The following APTX variants were observed in gnomAD, a reference collection of about 807,000 sequenced individuals.
The protein encoded by APTX is forkhead-associated domain histidine triad-like protein.
A neutral mutation model predicts 42.3 loss-of-function variants in APTX; 33 were observed. That is an observed-to-expected ratio of 0.78 (90% CI 0.59 to 1.04). The LOEUF (loss-of-function observed/expected upper bound fraction) is 1.04, where lower values mean the gene tolerates loss of function less well. Ranked by LOEUF, APTX falls within the 50% of genes least tolerant of loss-of-function variation. APTX has a pLI of 0.00. For missense variants in APTX, 421 were observed against 415.1 expected (o/e 1.01, Z -0.12); for synonymous variants, 130 against 146.7 (o/e 0.89, Z 0.82).
At chr9:32,988,052 G>A in intron 3 of APTX, 31 bp downstream of exon 3, 1 of 1,606,996 alleles carries the variant, frequency 6.2e-7, no homozygotes, top group Non-Finnish European at 8.5e-7. Flanking sequence ...AAATCATCGA[G>A]TATAAAATTC....
intron 1 of APTX, among the ~76,000 whole-genome samples, chr9:33,007,532 A>T (rs981654634): frequency 6.6e-6 from 1 of 152,232 alleles, no homozygotes; most frequent in African/African-American, 2.4e-5. Context: ...ATTTGGGGGC[A>T]GCATCAACTG....
At chr9:33,004,630 CTTTTTTTTTT>C (rs3065216), upstream of APTX, among the ~76,000 whole-genome samples, 6 of 125,690 alleles carry the variant, frequency 4.8e-5, no homozygotes, top group African/African-American at 1.5e-4. Flanking sequence ...CTTGCCAACC[CTTTTTTTTTT>C]TTTTTTTTTT....
chr9:32,985,508 G>C (rs1456428839), intron 5 of APTX, among the ~76,000 whole-genome samples: 2 of 151,826 alleles, frequency 1.3e-5, no homozygotes, highest in African/African-American at 4.8e-5. Flanking sequence ...CTAATTTTTT[G>C]TATTTTTAGT....
chr9:32,978,636 G>C (rs750640611), intron 6 of APTX, among the ~76,000 whole-genome samples: 10 of 152,180 alleles, frequency 6.6e-5, no homozygotes, highest in Non-Finnish European at 1.3e-4. Flanking sequence ...ATGATGAAAT[G>C]AAAGAAATAA....
intron 1 of APTX, among the ~76,000 whole-genome samples, chr9:33,007,087 A>G (rs967271093): frequency 6.6e-6 from 1 of 151,984 alleles, no homozygotes; most frequent in Admixed American, 6.5e-5. Context: ...CCAGAAAGAC[A>G]GAAAGGAAAC....
At chr9:33,017,338 A>G (rs1468132070) in intron 1 of APTX, among the ~76,000 whole-genome samples, 1 of 152,178 alleles carries the variant, frequency 6.6e-6, no homozygotes, top group African/African-American at 2.4e-5. Flanking sequence ...CAAACACCAG[A>G]AACTTATTTC....
chr9:32,978,152 G>C lies in APTX; in HGVS notation c.771-3591C>G, dbSNP rs112890760. Among the ~76,000 whole-genome samples the C allele has an allele frequency of 5.5e-3, 836 of 152,302 alleles. 9 individuals are homozygous for C. Among genetic ancestry groups the C allele is most frequent in the African/African-American group, 0.019 (804 of 41,568 alleles). On this transcript the variant is annotated intron_variant, in intron 6 of 7. Transcript: ENST00000379817. ...TTTACACTTGGGTTTGTTGAAGAAT[G>C]GAAAGCCATGTAGAACCACTACTGC... is the stretch of plus-strand genomic sequence containing the variant.
At chr9:32,981,856 A>G (rs193269617) in intron 6 of APTX, among the ~76,000 whole-genome samples, 82 of 152,328 alleles carry the variant, frequency 5.4e-4, no homozygotes, top group African/African-American at 1.5e-3. Context: ...AAGGAAGTAT[A>G]AAGTCACCAT....
chr9:33,010,896 C>T (rs540351901), intron 1 of APTX, among the ~76,000 whole-genome samples: 4 of 152,074 alleles, frequency 2.6e-5, no homozygotes, highest in East Asian at 3.9e-4. Context: ...AATCCCAACA[C>T]GTTGGGAGGC....
chr9:32,989,799 TG>T lies in APTX; in HGVS notation c.92del (p.Pro31GlnfsTer17). The T allele has an allele frequency of 6.2e-7, 1 of 1,614,270 alleles. No individual in the cohort carries two copies. Among genetic ancestry groups the T allele is most frequent in the East Asian group, 2.2e-5 (1 of 44,890 alleles). On this transcript the variant is annotated frameshift_variant, in exon 2 of 8. Transcript: ENST00000379817. LOFTEE classifies it high-confidence loss of function. ...ATTTCTTATCAGTGATCTTGGTCTC[TG>T]GGCCACGCCCAATCACAACTGCTTC... ...HLEAVVIGRG[P>X]ETKITDKKCS... is the part of the protein sequence containing the mutation.
At chr9:33,004,888 C>G (rs550872876), upstream of APTX, among the ~76,000 whole-genome samples, 36 of 152,086 alleles carry the variant, frequency 2.4e-4, no homozygotes, top group African/African-American at 8.2e-4. Flanking sequence ...GATCCACCCA[C>G]CTCGGCCTCC....
chr9:33,002,098 AC>A (rs1836666930), upstream of APTX, among the ~76,000 whole-genome samples: 4 of 152,304 alleles, frequency 2.6e-5, no homozygotes, highest in South Asian at 8.3e-4. Flanking sequence ...AGTGCTGTGT[AC>A]ACTAAATGAA....
At position 33,014,469 on chromosome 9, in the gene APTX, G is replaced by A. The variant is rs545114744; in HGVS notation, c.-5+10554C>T. Among the ~76,000 whole-genome samples, 179 of 143,810 alleles carry A rather than the reference G, an allele frequency of 1.2e-3. 2 individuals are homozygous for A. Among genetic ancestry groups the A allele is most frequent in the African/African-American group, 4.2e-3 (170 of 40,786 alleles). 94.3% of individuals were successfully genotyped at this position (143,810 alleles called of 152,430 possible). ...TGTACCACTTAACAGCTTAACAAAAGGATGCATAGCTGGGGAGCAGCAGGA... is the reference window on the plus strand; with the variant it reads ...TGTACCACTTAACAGCTTAACAAAAAGATGCATAGCTGGGGAGCAGCAGGA... On this transcript the variant is annotated intron_variant, in intron 1 of 6. Transcript: ENST00000436040.
chr9:33,014,456 C>T (rs1343902959), intron 1 of APTX, among the ~76,000 whole-genome samples: 1 of 152,148 alleles, frequency 6.6e-6, no homozygotes, highest in Non-Finnish European at 1.5e-5. Context: ...TACCACTTAA[C>T]AGCTTAACAA....
chr9:32,996,276 C>CT (rs761753095), intron 1 of APTX, among the ~76,000 whole-genome samples: 804 of 32,136 alleles, frequency 0.025, 1 homozygote, highest in Non-Finnish European at 0.052. Flanking sequence ...AAATAAATCG[C>CT]TCTTTTTTTT....
At chr9:32,998,931 A>C (rs1360564926) in intron 1 of APTX, among the ~76,000 whole-genome samples, 1 of 152,244 alleles carries the variant, frequency 6.6e-6, no homozygotes, top group African/African-American at 2.4e-5. Context: ...TTATATGCCA[A>C]AGTCACAAAC....
intron 6 of APTX, among the ~76,000 whole-genome samples, chr9:32,982,321 A>G (rs1297958816): frequency 6.6e-6 from 1 of 152,244 alleles, no homozygotes; most frequent in East Asian, 1.9e-4. Flanking sequence ...GAGAGAACAA[A>G]TAAATGAAAT....
At chr9:33,007,332 TGAAGAGTTAGTTAG>T (rs1837232177) in intron 1 of APTX, among the ~76,000 whole-genome samples, 1 of 152,206 alleles carries the variant, frequency 6.6e-6, no homozygotes, top group African/African-American at 2.4e-5. Flanking sequence ...GAAAAACCCC[TGAAGAGTTAGTTAG>T]GAAGTGACAT....
At chr9:33,001,634 ATGACGTCAGAGGCCGGCTG>A, upstream of APTX, 1 of 1,613,368 alleles carries the variant, frequency 6.2e-7, no homozygotes. Context: ...GCGCTGCGGG[ATGACGTCAGAGGCCGGCTG>A]TATCGCGACC....
Sources: allele counts gnomAD v4.1 joint callset (sites outside exome capture counted in the v4.1 genomes callset), GRCh38; gene constraint gnomAD v4.1.1; transcripts MANE v1.5; gene names NCBI Gene and HGNC (gene_info 2026-07-23, HGNC 2026-07-21).